The following DYNLT5 variants were observed in gnomAD, a reference collection of about 807,000 sequenced individuals.
DYNLT5 encodes the protein dynein light chain Tctex-type family member 5.
In DYNLT5, 25 loss-of-function variants were observed where a neutral mutation model predicts 19.3. That is an observed-to-expected ratio of 1.30 (90% CI 0.95 to 1.81). DYNLT5 has a LOEUF of 1.81. DYNLT5 is among the 40% of genes most tolerant of loss of function. DYNLT5 has a pLI of 0.00. For synonymous variants in DYNLT5, 82 were observed against 68.9 expected (o/e 1.19, Z -0.94); for missense variants, 232 against 217.9 (o/e 1.06, Z -0.41).
At chr1:66,770,954 A>T (rs904268917) in intron 3 of DYNLT5, 4 of 183,220 alleles carry the variant, frequency 2.2e-5, no homozygotes, top group Admixed American at 1.8e-4. Flanking sequence ...AGATCTTTGC[A>T]CCTGCCGCTA....
chr1:66,759,266 A>G (rs1392108485), intron 2 of DYNLT5, among the ~76,000 whole-genome samples: 1 of 152,224 alleles, frequency 6.6e-6, no homozygotes, highest in African/African-American at 2.4e-5. Flanking sequence ...TGCTTTGCAT[A>G]GGTAAACTCC....
At chr1:66,766,243 A>G (rs2094655043) in intron 2 of DYNLT5, among the ~76,000 whole-genome samples, 1 of 152,210 alleles carries the variant, frequency 6.6e-6, no homozygotes, top group Non-Finnish European at 1.5e-5. Flanking sequence ...CGTAGCATTC[A>G]CTTTACAATG....
intron 2 of DYNLT5, among the ~76,000 whole-genome samples, chr1:66,765,611 A>C (rs1247704137): frequency 6.6e-6 from 1 of 151,748 alleles, no homozygotes; most frequent in Non-Finnish European, 1.5e-5. Context: ...TTAAAGAGTA[A>C]ATATGTTCTA....
chr1:66,760,720 C>T (rs2094644549), intron 2 of DYNLT5, among the ~76,000 whole-genome samples: 1 of 152,196 alleles, frequency 6.6e-6, no homozygotes. Flanking sequence ...GCACTACCAG[C>T]ATCACCTCTG....
At chr1:66,757,673 G>T (rs1427713762) in intron 2 of DYNLT5, among the ~76,000 whole-genome samples, 1 of 152,032 alleles carries the variant, frequency 6.6e-6, no homozygotes, top group Non-Finnish European at 1.5e-5. Context: ...CCCTTGCGAT[G>T]AACCTTATTT....
At chr1:66,769,545 CCA>C (rs1236571584) in intron 2 of DYNLT5, among the ~76,000 whole-genome samples, 2 of 146,758 alleles carry the variant, frequency 1.4e-5, no homozygotes, top group African/African-American at 2.5e-5. Context: ...AAACACACAC[CCA>C]CACACACACA....
intron 1 of DYNLT5, among the ~76,000 whole-genome samples, chr1:66,754,152 A>G (rs1168498840): frequency 6.6e-6 from 1 of 151,862 alleles, no homozygotes; most frequent in Non-Finnish European, 1.5e-5. Flanking sequence ...AGTTGGGAGG[A>G]ACGCTTGAGC....
At chr1:66,771,512 G>C (rs1397194339) in intron 3 of DYNLT5, among the ~76,000 whole-genome samples, 2 of 152,190 alleles carry the variant, frequency 1.3e-5, no homozygotes, top group Non-Finnish European at 2.9e-5. Context: ...TTCAGAAAAT[G>C]TTGTTTGGCC....
chr1:66,756,222 CA>C (rs1286599861), intron 2 of DYNLT5, among the ~76,000 whole-genome samples: 2 of 152,162 alleles, frequency 1.3e-5, no homozygotes, highest in African/African-American at 4.8e-5. Context: ...TTTGGACTCC[CA>C]AACAAAACAT....
At chr1:66,759,639 C>T (rs773596347) in intron 2 of DYNLT5, among the ~76,000 whole-genome samples, 1 of 152,138 alleles carries the variant, frequency 6.6e-6, no homozygotes. Flanking sequence ...TGCTAAAACT[C>T]ACTTTCAAGC....
At chr1:66,771,099 C>T (rs773281007) in intron 3 of DYNLT5, among the ~76,000 whole-genome samples, 12 of 152,332 alleles carry the variant, frequency 7.9e-5, no homozygotes, top group Middle Eastern at 3.4e-3. Context: ...GGAAATTCCA[C>T]AGAGATTTAC....
intron 2 of DYNLT5, chr1:66,755,629 T>A (rs764222244): frequency 2.0e-4 from 30 of 152,150 alleles, no homozygotes; most frequent in Non-Finnish European, 3.4e-4. Flanking sequence ...GAAACCAAAA[T>A]CTTTCTATTC....
rs373249045 is a variant in DYNLT5, at chr1:66,776,281, C to T, written c.214C>T (p.Pro72Ser). Residue 72 changes from proline (P) to serine (S), a missense_variant and splice_region_variant, in exon 4 of 5, where the codon CCT becomes TCT. By Grantham distance (74) the Pro-to-Ser change is moderately conservative. Transcript: ENST00000282670. ...ATAAATTTTATGTGTATTTTCAGGT[C>T]CTCCCAAACATTTTCCTGTGGTCAC... Reference protein sequence around the residue: ...VQMENTYQLGPPKHFPVVTVN... With the variant: ...VQMENTYQLGSPKHFPVVTVN... 20 of 1,610,758 alleles carry T rather than the reference C, an allele frequency of 1.2e-5. No individual in the cohort carries two copies. Among genetic ancestry groups the T allele is most frequent in the Admixed American group, 1.7e-5 (1 of 59,610 alleles).
At chr1:66,760,037 G>A (rs1357743296) in intron 2 of DYNLT5, among the ~76,000 whole-genome samples, 1 of 152,044 alleles carries the variant, frequency 6.6e-6, no homozygotes. Context: ...AGCCATCCAT[G>A]TGGTTCATTT....
chr1:66,754,406 C>T (rs550307903), intron 1 of DYNLT5, among the ~76,000 whole-genome samples: 4 of 152,294 alleles, frequency 2.6e-5, no homozygotes, highest in South Asian at 4.1e-4. Context: ...AGCATTTTTG[C>T]TATAGCTTAA....
chr1:66,776,336 C>G lies in DYNLT5; in HGVS notation c.269C>G (p.Thr90Ser). 1.2e-6 allele frequency: 2 copies of G among 1,613,282 alleles called. No individual in the cohort carries two copies. ...TVNHILKDVV[T>S]SYLQVEEYEP... ...AATCATATTTTGAAAGATGTAGTAA[C>G]CAGCTATCTACAAGTAGAAGAATAT... Residue 90 changes from threonine to serine, a missense_variant, in exon 4 of 5, where the codon ACC becomes AGC. Physicochemically the swap from Thr to Ser is moderately conservative, Grantham distance 58 (BLOSUM62 1). Transcript: ENST00000282670.
chr1:66,756,879 T>C (rs2094636884), intron 2 of DYNLT5, among the ~76,000 whole-genome samples: 1 of 152,222 alleles, frequency 6.6e-6, no homozygotes, highest in African/African-American at 2.4e-5. Context: ...TGCTTCCCCA[T>C]GGGGTACCCC....
At chr1:66,766,059 A>G (rs1241601026) in intron 2 of DYNLT5, among the ~76,000 whole-genome samples, 2 of 152,254 alleles carry the variant, frequency 1.3e-5, no homozygotes, top group Admixed American at 1.3e-4. Context: ...TGTTCTCACC[A>G]GTGGTTTACG....
At chr1:66,756,938 C>T (rs114807337) in intron 2 of DYNLT5, among the ~76,000 whole-genome samples, 1,742 of 152,358 alleles carry the variant, frequency 0.011, 49 homozygotes, top group African/African-American at 0.039. Flanking sequence ...TGGCTTTCTT[C>T]ACTTCTTCCA....
Sources: gnomAD v4.1 joint callset for allele counts (sites outside exome capture counted in the v4.1 genomes callset) on GRCh38, gnomAD v4.1.1 for gene constraint, MANE v1.5 for transcripts, NCBI Gene and HGNC (gene_info 2026-07-23, HGNC 2026-07-21) for gene names.